PDE7B: variants seen among roughly 807,000 people sequenced by gnomAD.
PDE7B encodes the protein 3',5'-cyclic-AMP phosphodiesterase 7B.
A neutral mutation model predicts 56.2 loss-of-function variants in PDE7B; 29 were observed. The ratio of observed to expected loss-of-function variants is 0.52; its 90% CI spans 0.38 to 0.70. The LOEUF (loss-of-function observed/expected upper bound fraction) is 0.70. PDE7B is among the 30% of genes least tolerant of loss of function. The pLI is 0.00. For synonymous variants in PDE7B, 197 were observed against 196.9 expected (o/e 1.00, Z 0.00); for missense variants, 490 against 565.0 (o/e 0.87, Z 1.35).
At chr6:135,914,842 C>T (rs1170951215) in intron 1 of PDE7B, among the ~76,000 whole-genome samples, 1 of 148,984 alleles carries the variant, frequency 6.7e-6, no homozygotes, top group East Asian at 2.0e-4. Flanking sequence ...CGCCTGTAAT[C>T]CCAGCACTTT....
intron 1 of PDE7B, among the ~76,000 whole-genome samples, chr6:135,877,201 T>C (rs1225989919): frequency 1.3e-5 from 2 of 152,134 alleles, no homozygotes; most frequent in Non-Finnish European, 2.9e-5. Flanking sequence ...CATTAACTTG[T>C]GTTCTGAAAC....
chr6:136,138,649 G>A (rs573951568), intron 3 of PDE7B, among the ~76,000 whole-genome samples: 1 of 152,062 alleles, frequency 6.6e-6, no homozygotes, highest in African/African-American at 2.4e-5. Context: ...TGTAGCATTG[G>A]TTCTGAATCA....
chr6:136,007,136 C>T lies in PDE7B; in HGVS notation c.82+59612C>T, dbSNP rs148782836. Reference sequence around the variant, plus strand: ...AACATAAAGGGATGTTGGATTTTATCAAAAGCCTTTTCTGCATCTATTGAG... The same window carrying T: ...AACATAAAGGGATGTTGGATTTTATTAAAAGCCTTTTCTGCATCTATTGAG... On this transcript the variant is annotated intron_variant, in intron 2 of 12. Coordinates refer to ENST00000308191, the MANE Select transcript of PDE7B (RefSeq NM_018945.4). Among the ~76,000 whole-genome samples the T allele has an allele frequency of 4.0e-3, 602 of 152,220 alleles. 11 individuals carry two copies. Among genetic ancestry groups the T allele is most frequent in the African/African-American group, 0.014 (578 of 41,524 alleles).
intron 1 of PDE7B, among the ~76,000 whole-genome samples, 158 bp downstream of exon 1, chr6:135,852,177 T>A (rs550337385): frequency 3.3e-5 from 5 of 152,334 alleles, no homozygotes; most frequent in African/African-American, 1.2e-4. Flanking sequence ...CCTTCCTTTT[T>A]CTAGGCGAAC....
intron 2 of PDE7B, among the ~76,000 whole-genome samples, chr6:136,020,633 C>T (rs1342283396): frequency 2.0e-5 from 3 of 152,148 alleles, no homozygotes; most frequent in Non-Finnish European, 4.4e-5. Context: ...TCAAACAAGC[C>T]ATTGAAGATT....
chr6:136,144,240 A>G (rs906881879), intron 3 of PDE7B, among the ~76,000 whole-genome samples: 2 of 152,086 alleles, frequency 1.3e-5, no homozygotes, highest in East Asian at 3.8e-4. Flanking sequence ...ATTTTTTATC[A>G]TAAAATAACT....
chr6:135,863,596 A>G (rs1775193083), intron 1 of PDE7B, among the ~76,000 whole-genome samples: 1 of 152,012 alleles, frequency 6.6e-6, no homozygotes, highest in Admixed American at 6.6e-5. Context: ...GGAGGATGAT[A>G]ATGGAAAAAA....
At chr6:135,918,953 G>A (rs1774011869) in intron 1 of PDE7B, among the ~76,000 whole-genome samples, 1 of 152,028 alleles carries the variant, frequency 6.6e-6, no homozygotes, top group East Asian at 1.9e-4. Flanking sequence ...CGGTATTATG[G>A]GAAATTTTTA....
At chr6:136,129,256 G>A (rs1002672994) in intron 3 of PDE7B, among the ~76,000 whole-genome samples, 1 of 152,164 alleles carries the variant, frequency 6.6e-6, no homozygotes, top group Non-Finnish European at 1.5e-5. Context: ...GCTCTGCCTA[G>A]CTTGTCAGCA....
At chr6:136,099,127 A>G (rs971971391) in intron 2 of PDE7B, among the ~76,000 whole-genome samples, 1 of 152,208 alleles carries the variant, frequency 6.6e-6, no homozygotes, top group African/African-American at 2.4e-5. Context: ...ATGGCTACAT[A>G]GTATTCCATG....
intron 1 of PDE7B, among the ~76,000 whole-genome samples, chr6:135,862,085 T>TTAAAA (rs1431293475): frequency 6.6e-6 from 1 of 151,906 alleles, no homozygotes; most frequent in African/African-American, 2.4e-5. Flanking sequence ...TCCTTTTTAA[T>TTAAAA]GCTGATAACT....
At chr6:136,147,838 C>T (rs1778442319) in intron 4 of PDE7B, among the ~76,000 whole-genome samples, 1 of 152,128 alleles carries the variant, frequency 6.6e-6, no homozygotes, top group Non-Finnish European at 1.5e-5. Context: ...GAGGGAATAA[C>T]TAATTTTTTT....
intron 1 of PDE7B, among the ~76,000 whole-genome samples, chr6:135,943,748 C>T (rs1246253230): frequency 6.6e-6 from 1 of 152,134 alleles, no homozygotes; most frequent in Non-Finnish European, 1.5e-5. Context: ...TTTATGAAGG[C>T]CCTGGTATGA....
At chr6:135,986,225 A>G (rs1457339926) in intron 2 of PDE7B, among the ~76,000 whole-genome samples, 1 of 152,232 alleles carries the variant, frequency 6.6e-6, no homozygotes, top group Non-Finnish European at 1.5e-5. Context: ...TTACCAAAAC[A>G]TCTTTGAAAT....
chr6:136,015,380 T>C (rs1775961948), intron 2 of PDE7B, among the ~76,000 whole-genome samples: 1 of 152,192 alleles, frequency 6.6e-6, no homozygotes, highest in Admixed American at 6.5e-5. Flanking sequence ...GATGGAGCCA[T>C]TTTCTGATTC....
At chr6:135,871,598 G>T (rs1025671684) in intron 1 of PDE7B, among the ~76,000 whole-genome samples, 1 of 152,170 alleles carries the variant, frequency 6.6e-6, no homozygotes, top group Admixed American at 6.6e-5. Context: ...CATAAATGTT[G>T]AATTGAGAAA....
At chr6:135,920,325 C>T (rs913709956) in intron 1 of PDE7B, among the ~76,000 whole-genome samples, 23 of 152,120 alleles carry the variant, frequency 1.5e-4, no homozygotes, top group Admixed American at 1.4e-3. Flanking sequence ...CCTAGGTTGG[C>T]ATATAGCATG....
intron 2 of PDE7B, among the ~76,000 whole-genome samples, chr6:136,036,713 AG>A (rs898210111): frequency 6.6e-6 from 1 of 152,218 alleles, no homozygotes; most frequent in African/African-American, 2.4e-5. Flanking sequence ...CAGCCTTGAA[AG>A]GAATGTAGAG....
At chr6:135,978,737 G>A (rs1167388198) in intron 2 of PDE7B, among the ~76,000 whole-genome samples, 2 of 151,882 alleles carry the variant, frequency 1.3e-5, no homozygotes, top group Admixed American at 1.3e-4. Flanking sequence ...TGTATCCTGA[G>A]ACTTTGCTGA....
Sources: gnomAD v4.1 joint callset for allele counts (sites outside exome capture counted in the v4.1 genomes callset) on GRCh38, gnomAD v4.1.1 for gene constraint, MANE v1.5 for transcripts, NCBI Gene and HGNC (gene_info 2026-07-23, HGNC 2026-07-21) for gene names.